Variants in AP3S1 observed in about 807,000 individuals in gnomAD.
AP3S1 encodes the protein adaptor related protein complex 3 subunit sigma 1.
Under a neutral mutation model 21.3 loss-of-function variants are expected in AP3S1, and 12 were observed. That is an observed-to-expected ratio of 0.56 (90% CI 0.36 to 0.91). AP3S1 has a LOEUF of 0.91. Among genes scored for constraint, AP3S1 ranks in the 40% least tolerant of loss-of-function variants. The pLI, the probability that AP3S1 is intolerant of heterozygous loss-of-function variation, is 0.01. For missense variants in AP3S1, 116 were observed against 225.0 expected (o/e 0.52, Z 3.10); for synonymous variants, 48 against 78.4 (o/e 0.61, Z 2.05).
At chr5:115,864,074 T>G (rs1763413532) in intron 1 of AP3S1, among the ~76,000 whole-genome samples, 1 of 152,230 alleles carries the variant, frequency 6.6e-6, no homozygotes, top group Admixed American at 6.5e-5. Flanking sequence ...GATTTAAAGT[T>G]GGAAGGGATA....
chr5:115,897,355 G>C (rs1025205949), intron 4 of AP3S1, among the ~76,000 whole-genome samples: 1 of 151,946 alleles, frequency 6.6e-6, no homozygotes, highest in African/African-American at 2.4e-5. Flanking sequence ...TTTTTTCAAG[G>C]CAAGGAGACA....
intron 3 of AP3S1, among the ~76,000 whole-genome samples, chr5:115,886,208 C>T (rs62371476): frequency 0.16 from 24,756 of 152,068 alleles, 2,218 homozygotes; most frequent in Middle Eastern, 0.2. Flanking sequence ...TTAAAGCAGT[C>T]GGAACAGTGG....
intron 3 of AP3S1, among the ~76,000 whole-genome samples, chr5:115,883,758 C>T (rs1749520282): frequency 6.6e-6 from 1 of 152,066 alleles, no homozygotes; most frequent in African/African-American, 2.4e-5. Flanking sequence ...TATTTTTAGG[C>T]GAAATACCAT....
intron 3 of AP3S1, among the ~76,000 whole-genome samples, chr5:115,891,756 C>T (rs138819701): frequency 0.011 from 1,721 of 152,228 alleles, 13 homozygotes; most frequent in Non-Finnish European, 0.017. Flanking sequence ...ACAGCTTGCA[C>T]TGTATTCCTG....
At chr5:115,906,816 T>G (rs1751694022) in intron 5 of AP3S1, 1 of 1,511,158 alleles carries the variant, frequency 6.6e-7, no homozygotes, top group Non-Finnish European at 8.8e-7. Context: ...TCTTCTCTCT[T>G]ACAGACCTTT....
intron 1 of AP3S1, among the ~76,000 whole-genome samples, chr5:115,844,169 G>C (rs193252723): frequency 6.6e-6 from 1 of 152,198 alleles, no homozygotes; most frequent in Non-Finnish European, 1.5e-5. Flanking sequence ...ACCTTTTTGA[G>C]GGCAGTTATT....
intron 1 of AP3S1, among the ~76,000 whole-genome samples, chr5:115,866,349 A>G (rs1324831896): frequency 1.3e-5 from 2 of 152,226 alleles, no homozygotes; most frequent in Admixed American, 6.5e-5. Flanking sequence ...TTGTAAGATA[A>G]TCAGCTTTGA....
At chr5:115,866,853 T>G in intron 2 of AP3S1, 92 bp downstream of exon 2, 1 of 678,546 alleles carries the variant, frequency 1.5e-6, no homozygotes, top group Admixed American at 3.9e-5. Flanking sequence ...GTTTTCTACT[T>G]TTGATTAATT....
At chr5:115,868,893 G>GAGAGAGAGAGAGAC (rs1554066585) in intron 2 of AP3S1, among the ~76,000 whole-genome samples, 8 of 120,510 alleles carry the variant, frequency 6.6e-5, no homozygotes, top group South Asian at 6.0e-4. Flanking sequence ...AAAAGAAAGA[G>GAGAGAGAGAGAGAC]AGAGAGAGAG....
intron 3 of AP3S1, among the ~76,000 whole-genome samples, chr5:115,891,555 A>G (rs1187751496): frequency 6.6e-6 from 1 of 152,068 alleles, no homozygotes; most frequent in Non-Finnish European, 1.5e-5. Context: ...GAACACATTT[A>G]CCCACTTATT....
chr5:115,871,015 A>G (rs1748187826), intron 3 of AP3S1, among the ~76,000 whole-genome samples: 1 of 152,206 alleles, frequency 6.6e-6, no homozygotes, highest in Non-Finnish European at 1.5e-5. Context: ...CAGTGGATTA[A>G]ATGACAGATG....
At chr5:115,894,472 T>C (rs1425605734) in intron 3 of AP3S1, among the ~76,000 whole-genome samples, 2 of 152,184 alleles carry the variant, frequency 1.3e-5, no homozygotes, top group African/African-American at 4.8e-5. Context: ...TGGAGCTTAG[T>C]TCTCAGGAGC....
chr5:115,888,287 C>T (rs559750693), intron 3 of AP3S1, among the ~76,000 whole-genome samples: 1 of 152,124 alleles, frequency 6.6e-6, no homozygotes, highest in South Asian at 2.1e-4. Flanking sequence ...AATAATGCAA[C>T]AGCAATTTTT....
At chr5:115,886,098 G>C (rs920631972) in intron 3 of AP3S1, among the ~76,000 whole-genome samples, 1 of 152,172 alleles carries the variant, frequency 6.6e-6, no homozygotes, top group Non-Finnish European at 1.5e-5. Context: ...TTAAGTGTTA[G>C]TGGTTAACCT....
intron 3 of AP3S1, among the ~76,000 whole-genome samples, chr5:115,890,545 A>T (rs1435909227): frequency 1.3e-5 from 2 of 152,182 alleles, no homozygotes; most frequent in East Asian, 3.8e-4. Context: ...AATGCTGGTA[A>T]TGTTAAAACA....
chr5:115,860,253 A>G (rs1335170589), intron 1 of AP3S1, among the ~76,000 whole-genome samples: 2 of 152,232 alleles, frequency 1.3e-5, no homozygotes, highest in African/African-American at 4.8e-5. Flanking sequence ...GTGCCATGCG[A>G]TGCAATTAGC....
chr5:115,865,578 C>G (rs1471531715), intron 1 of AP3S1, among the ~76,000 whole-genome samples: 1 of 152,152 alleles, frequency 6.6e-6, no homozygotes, highest in African/African-American at 2.4e-5. Flanking sequence ...ATGAGAGTTT[C>G]TTTGGCTCTA....
At chr5:115,890,637 G>A (rs780216760) in intron 3 of AP3S1, among the ~76,000 whole-genome samples, 2 of 152,162 alleles carry the variant, frequency 1.3e-5, no homozygotes, top group Non-Finnish European at 1.5e-5. Context: ...TTACACTTAA[G>A]TAAATACTTA....
At chr5:115,886,019 T>A (rs1028041583) in intron 3 of AP3S1, among the ~76,000 whole-genome samples, 1 of 152,220 alleles carries the variant, frequency 6.6e-6, no homozygotes, top group African/African-American at 2.4e-5. Context: ...ACATTAGAAA[T>A]AATATATTAT....
Sources: gnomAD v4.1 joint callset for allele counts (sites outside exome capture counted in the v4.1 genomes callset) on GRCh38, gnomAD v4.1.1 for gene constraint, MANE v1.5 for transcripts, NCBI Gene and HGNC (gene_info 2026-07-23, HGNC 2026-07-21) for gene names.